CASR: variants seen among roughly 807,000 people sequenced by gnomAD.
CASR encodes the protein calcium sensing receptor, also known as extracellular calcium-sensing receptor.
CASR carries 23 observed loss-of-function variants against 69.1 expected under a neutral mutation model. The ratio of observed to expected loss-of-function variants is 0.33; its 90% CI spans 0.24 to 0.47. The LOEUF (loss-of-function observed/expected upper bound fraction) is 0.47, where lower values mean the gene tolerates loss of function less well. CASR is among the 20% of genes least tolerant of loss of function. CASR has a pLI of 1.00. For synonymous variants in CASR, 541 were observed against 544.7 expected (o/e 0.99, Z 0.10); for missense variants, 924 against 1,356.1 (o/e 0.68, Z 5.00).
chr3:122,235,736 G>C (rs548389191), intron 1 of CASR, among the ~76,000 whole-genome samples: 1 of 152,082 alleles, frequency 6.6e-6, no homozygotes, highest in Non-Finnish European at 1.5e-5. Flanking sequence ...TCTAGACTGC[G>C]GTGAGCTATG....
At position 122,286,130 on chromosome 3, in the gene CASR, G is replaced by A. The variant is rs1423318199; in HGVS notation, c.*939G>A. 6.6e-6 allele frequency: 1 copy of A among 152,618 alleles called. No individual in the cohort carries two copies. The highest frequency in any genetic ancestry group is 1.5e-5 in the Non-Finnish European group (1 of 68,046). The allele number at this position is 152,618 out of a possible 1,614,324, so 9.5% of individuals were successfully genotyped here. ...TCCACCCTATCCCTGTACAGAGTAA[G>A]TTCTCAATTATTGGCCTGCTAATAG... On this transcript the variant is annotated 3_prime_UTR_variant, in exon 7 of 7. Transcript: ENST00000639785.
chr3:122,213,268 A>G (rs753810564), intron 1 of CASR, among the ~76,000 whole-genome samples: 2 of 152,178 alleles, frequency 1.3e-5, no homozygotes, highest in African/African-American at 4.8e-5. Context: ...AACCTAGTGC[A>G]TTATTGTGCA....
intron 1 of CASR, among the ~76,000 whole-genome samples, chr3:122,206,509 C>T (rs1355603584): frequency 6.6e-6 from 1 of 151,818 alleles, no homozygotes; most frequent in African/African-American, 2.4e-5. Context: ...ACATCTATGT[C>T]TATCAGGAAT....
rs146739893 is a variant in CASR at position 122,275,897 on chromosome 3, A to G, written c.1463A>G (p.Asn488Ser). 1.2e-5 allele frequency: 19 copies of G among 1,613,972 alleles called. No homozygotes were observed. The highest frequency in any genetic ancestry group is 1.7e-5 in the Admixed American group (1 of 60,014). The stretch of plus-strand genomic sequence containing the variant: ...GATGAGTGTGGTGACCTGGTGGGGA[A>G]CTATTCCATCATCAACTGGCACCTC... ...TFDECGDLVG[N>S]YSIINWHLSP... Residue 488 changes from asparagine to serine, a missense_variant, in exon 5 of 7, where the codon AAC becomes AGC. This residue lies in a region of CASR where 310 missense variants were observed against 395.7 expected (regional missense o/e 0.78). Transcript: ENST00000639785.
intron 1 of CASR, among the ~76,000 whole-genome samples, chr3:122,210,584 A>G (rs1239686167): frequency 6.6e-6 from 1 of 152,202 alleles, no homozygotes; most frequent in African/African-American, 2.4e-5. Context: ...CAAGGAAATC[A>G]GAGAGGACAA....
chr3:122,212,832 G>T (rs1381550773), intron 1 of CASR, among the ~76,000 whole-genome samples: 1 of 151,982 alleles, frequency 6.6e-6, no homozygotes, highest in Non-Finnish European at 1.5e-5. Flanking sequence ...AGTAGAGACG[G>T]GGTTTCTCCA....
chr3:122,219,701 A>T (rs536926490), intron 1 of CASR, among the ~76,000 whole-genome samples: 9 of 152,354 alleles, frequency 5.9e-5, no homozygotes, highest in East Asian at 3.9e-4. Flanking sequence ...GGTTACAGGG[A>T]TGGAGATATG....
chr3:122,200,142 G>A (rs1213320707), intron 1 of CASR, among the ~76,000 whole-genome samples: 1 of 151,980 alleles, frequency 6.6e-6, no homozygotes, highest in Non-Finnish European at 1.5e-5. Context: ...CCTGACCCCA[G>A]GTGATCCACC....
At chr3:122,267,740 C>T (rs1272290539) in intron 4 of CASR, among the ~76,000 whole-genome samples, 1 of 152,040 alleles carries the variant, frequency 6.6e-6, no homozygotes, top group Non-Finnish European at 1.5e-5. Context: ...CAGAACTATA[C>T]ACTTAAAATG....
At chr3:122,200,569 G>C (rs1270045048) in intron 1 of CASR, among the ~76,000 whole-genome samples, 1 of 152,082 alleles carries the variant, frequency 6.6e-6, no homozygotes, top group Non-Finnish European at 1.5e-5. Flanking sequence ...TATCACTGTA[G>C]TTTATTCATT....
intron 5 of CASR, among the ~76,000 whole-genome samples, chr3:122,279,580 C>T (rs1405211535): frequency 6.6e-6 from 1 of 152,090 alleles, no homozygotes; most frequent in African/African-American, 2.4e-5. Flanking sequence ...ATAAATGTAG[C>T]TTATTACATT....
At chr3:122,235,712 AC>A (rs2074323161) in intron 1 of CASR, among the ~76,000 whole-genome samples, 2 of 152,230 alleles carry the variant, frequency 1.3e-5, no homozygotes, top group South Asian at 4.1e-4. Flanking sequence ...CAGGAGGATC[AC>A]GAGCCCAGGA....
chr3:122,274,319 G>A (rs1015770085), intron 4 of CASR, among the ~76,000 whole-genome samples: 1 of 152,216 alleles, frequency 6.6e-6, no homozygotes, highest in African/African-American at 2.4e-5. Context: ...AGCATGTCTT[G>A]GAGCTACTTA....
chr3:122,244,465 G>A (rs60615758), intron 1 of CASR, among the ~76,000 whole-genome samples: 1 of 152,072 alleles, frequency 6.6e-6, no homozygotes, highest in Admixed American at 6.5e-5. Context: ...ACAAACTATG[G>A]TTACATACAA....
chr3:122,283,570 G>A lies in CASR; in HGVS notation c.1733-117G>A. 3 of 787,412 alleles carry A rather than the reference G, an allele frequency of 3.8e-6. No homozygotes were observed. In the South Asian group the frequency reaches 4.3e-5, roughly 11 times the overall value. 48.8% of individuals were successfully genotyped at this position (787,412 alleles called of 1,614,324 possible). On this transcript the variant is annotated intron_variant, in intron 6 of 6. Transcript: ENST00000639785. ...AAAATCAGAATGATTTCATCAAAATGGAGAAAATATGTAGTGACCACATCC... is the reference window on the plus strand; with the variant it reads ...AAAATCAGAATGATTTCATCAAAATAGAGAAAATATGTAGTGACCACATCC...
At chr3:122,189,224 G>C (rs553453245) in intron 1 of CASR, among the ~76,000 whole-genome samples, 35 of 152,318 alleles carry the variant, frequency 2.3e-4, no homozygotes, top group Non-Finnish European at 4.0e-4. Context: ...CATTAACCTA[G>C]CTGAGCCTCA....
chr3:122,289,200 G>A lies in CASR; in HGVS notation c.*4009G>A, dbSNP rs139643059. 7.9e-5 allele frequency: 12 copies of A among 152,306 alleles called. No individual in the cohort carries two copies. Among genetic ancestry groups the A allele is most frequent in the Non-Finnish European group, 1.6e-4 (11 of 68,036 alleles). 9.4% of individuals were successfully genotyped at this position (152,306 alleles called of 1,614,324 possible). A position where few individuals can be genotyped will look rare whatever the true frequency, so the allele number is the denominator to read the frequency against. ...TACAAGAATAATGGAACATCAATAA[G>A]GGGTGCTAATCACCGGAGGAGGTGG... On this transcript the variant is annotated 3_prime_UTR_variant, in exon 7 of 7. Transcript: ENST00000639785.
At chr3:122,196,638 A>C (rs890158462) in intron 1 of CASR, among the ~76,000 whole-genome samples, 3 of 152,108 alleles carry the variant, frequency 2.0e-5, no homozygotes, top group Admixed American at 6.5e-5. Context: ...CCCCAGGCTC[A>C]AGTGATCCTC....
chr3:122,240,766 T>A (rs1182811338), intron 1 of CASR, among the ~76,000 whole-genome samples: 1 of 152,194 alleles, frequency 6.6e-6, no homozygotes, highest in East Asian at 1.9e-4. Context: ...TTCTCAAGTA[T>A]AAACCGTATG....
Sources: allele counts gnomAD v4.1 joint callset (sites outside exome capture counted in the v4.1 genomes callset), GRCh38; gene constraint gnomAD v4.1.1; regional missense constraint gnomAD v4.1.1; transcripts MANE v1.5; gene names NCBI Gene and HGNC (gene_info 2026-07-23, HGNC 2026-07-21).